The following TMEM106B variants were observed in gnomAD, a reference collection of about 807,000 sequenced individuals.
TMEM106B encodes the protein transmembrane protein 106B.
TMEM106B carries 15 observed loss-of-function variants against 31.1 expected under a neutral mutation model. The observed-to-expected ratio is 0.48, with a 90% CI of 0.32 to 0.74. The LOEUF (loss-of-function observed/expected upper bound fraction) is 0.74. TMEM106B is among the 30% of genes least tolerant of loss of function. The pLI is 0.03. For missense variants in TMEM106B, 283 were observed against 327.3 expected (o/e 0.86, Z 1.04); for synonymous variants, 126 against 112.5 (o/e 1.12, Z -0.76).
In TMEM106B at chr7:12,232,715, G is replaced by A. The variant is rs1184914001; in HGVS notation, c.*740G>A. The stretch of plus-strand genomic sequence containing the variant: ...TAATGTACAATACTGTAAATAAACT[G>A]TGCATGGCTTTTATACAGCTTTAGT... On this transcript the variant is annotated 3_prime_UTR_variant, in exon 8 of 8. Transcript: ENST00000396668. The A allele has an allele frequency of 9.9e-5, 15 of 152,210 alleles. No individual in the cohort carries two copies. Among genetic ancestry groups the A allele is most frequent in the Non-Finnish European group, 3.0e-5 (2 of 67,770 alleles). 9.4% of individuals were successfully genotyped at this position (152,210 alleles called of 1,614,324 possible). A position where few individuals can be genotyped will look rare whatever the true frequency, so the allele number is the denominator to read the frequency against.
At position 12,240,732 on chromosome 7, in the gene TMEM106B, G is replaced by C. The variant is rs138194405; in HGVS notation, c.*8757G>C. ...CAGTGGTTTTTCAGAATTTTTTAAA[G>C]CTTGTGAAATACTTATTTGTAAATA... On this transcript the variant is annotated 3_prime_UTR_variant, in exon 8 of 8. Coordinates refer to ENST00000396668, the MANE Select transcript of TMEM106B (RefSeq NM_001134232.2). The C allele has an allele frequency of 6.6e-6, 1 of 151,270 alleles. No homozygotes were observed. The highest frequency in any genetic ancestry group is 2.4e-5 in the African/African-American group (1 of 41,180). The allele number at this position is 151,270 out of a possible 1,614,324, so 9.4% of individuals were successfully genotyped here.
At chr7:12,222,444 C>G (rs1781806563) in intron 3 of TMEM106B, among the ~76,000 whole-genome samples, 1 of 152,074 alleles carries the variant, frequency 6.6e-6, no homozygotes, top group Admixed American at 6.6e-5. Flanking sequence ...GAACATGATT[C>G]ATTTATTCAC....
Position 12,242,401 on chromosome 7 carries a change from A to AAAAAAAAAAAG in TMEM106B, c.*10432_*10433insAAAAGAAAAAA. On this transcript the variant is annotated 3_prime_UTR_variant, in exon 8 of 8. Transcript: ENST00000396668. The stretch of plus-strand genomic sequence containing the variant: ...TCTCAAAAAAAAAAAAAAAAAAAAA[A>AAAAAAAAAAAG]AAAAAATACCCTTCTTTAACAAAAT... 1 of 150,920 alleles carries AAAAAAAAAAAG rather than the reference A, an allele frequency of 6.6e-6. No individual in the cohort carries two copies. Among genetic ancestry groups the AAAAAAAAAAAG allele is most frequent in the Non-Finnish European group, 1.5e-5 (1 of 67,682 alleles). 9.3% of individuals were successfully genotyped at this position (150,920 alleles called of 1,614,324 possible).
At chr7:12,230,095 C>G (rs1387671734) in intron 5 of TMEM106B, among the ~76,000 whole-genome samples, 1 of 151,868 alleles carries the variant, frequency 6.6e-6, no homozygotes, top group Non-Finnish European at 1.5e-5. Context: ...GTGTGCACCT[C>G]TCTTCCCACC....
chr7:12,230,960 A>G (rs200374071), intron 6 of TMEM106B, 102 bp from the exon 7 acceptor site: 2 of 502,700 alleles, frequency 4.0e-6, no homozygotes, highest in Admixed American at 7.3e-5. Flanking sequence ...ACAAATGCTT[A>G]TTATATTTCT....
chr7:12,238,223 T>G lies in TMEM106B; in HGVS notation c.*6248T>G, dbSNP rs1782177556. 5.9e-6 allele frequency: 1 copy of G among 169,362 alleles called. No individual in the cohort carries two copies. The highest frequency in any genetic ancestry group is 6.4e-5 in the Admixed American group (1 of 15,706). 10.5% of individuals were successfully genotyped at this position (169,362 alleles called of 1,614,324 possible). A position where few individuals can be genotyped will look rare whatever the true frequency, so the allele number is the denominator to read the frequency against. The stretch of plus-strand genomic sequence containing the variant: ...CTCAGCATCTTCACCAGGAGTAGAT[T>G]CCAACTCAAGAAACCACTTTCTTAG... On this transcript the variant is annotated 3_prime_UTR_variant, in exon 8 of 8. Coordinates refer to ENST00000396668, the MANE Select transcript of TMEM106B (RefSeq NM_001134232.2).
chr7:12,212,017 C>T lies in TMEM106B; in HGVS notation c.-3+592C>T, dbSNP rs559031932. On this transcript the variant is annotated intron_variant, in intron 1 of 7. Transcript: ENST00000396668. ...GCACCCCTTTTTTAAACCATTGAGT[C>T]TCCCAAGAATAAAAGTGGTTACACT... Among the ~76,000 whole-genome samples the T allele has an allele frequency of 3.9e-5, 6 of 152,274 alleles. No individual in the cohort carries two copies. In the East Asian group the frequency reaches 1.2e-3, roughly 29 times the overall value.
At chr7:12,218,874 C>T (rs2128524774) in intron 3 of TMEM106B, among the ~76,000 whole-genome samples, 1 of 152,160 alleles carries the variant, frequency 6.6e-6, no homozygotes, top group South Asian at 2.1e-4. Flanking sequence ...AGCAGGGACC[C>T]CAACGGCCTT....
rs778271556 is a variant in TMEM106B at position 12,215,028 on chromosome 7, G to C, written c.217+1G>C. ...CAGGGAACAGGAAGAATTCCTAGGG[G>C]TATGTGTTATTGTATTGTTTTCCCT... On this transcript the variant is annotated splice_donor_variant, in intron 2 of 7. Transcript: ENST00000396668. LOFTEE classifies it high-confidence loss of function. The C allele has an allele frequency of 6.2e-7, 1 of 1,611,624 alleles. No homozygotes were observed. Among genetic ancestry groups the C allele is most frequent in the Admixed American group, 1.7e-5 (1 of 59,828 alleles).
At chr7:12,228,378 A>G (rs1781947249) in intron 4 of TMEM106B, among the ~76,000 whole-genome samples, 1 of 151,918 alleles carries the variant, frequency 6.6e-6, no homozygotes, top group Non-Finnish European at 1.5e-5. Flanking sequence ...TTTAAAAAAT[A>G]TTATTTAGTA....
intron 4 of TMEM106B, among the ~76,000 whole-genome samples, chr7:12,227,620 A>G (rs2128526773): frequency 1.6e-5 from 2 of 124,606 alleles, no homozygotes; most frequent in South Asian, 2.9e-4. Flanking sequence ...TATTACAAAT[A>G]TTAGGAAAAC....
In TMEM106B at chr7:12,229,748, T is replaced by C; in HGVS notation, c.511T>C (p.Phe171Leu). 6.2e-7 allele frequency: 1 copy of C among 1,613,520 alleles called. No homozygotes were observed. The highest frequency in any genetic ancestry group is 8.5e-7 in the Non-Finnish European group (1 of 1,179,786). The change falls in exon 5 of 8, where the codon TTT becomes CTT. Residue 171 changes from phenylalanine to leucine, a missense_variant. Around this residue, in one of 3 missense-constraint regions of TMEM106B, gnomAD observed 201 missense variants for 211.5 expected, o/e 0.95. Transcript: ENST00000396668. ...EVENITAQVQ[F>L]SKTVIGKARL... is the part of the protein sequence containing the mutation. ...TGAAAACATCACTGCCCAAGTTCAA[T>C]TTTCAAAAACAGTTATTGGAAAGGC...
At chr7:12,229,615 A>C in intron 4 of TMEM106B, 64 bp from the exon 5 acceptor site, 1 of 1,294,778 alleles carries the variant, frequency 7.7e-7, no homozygotes, top group Non-Finnish European at 1.0e-6. Flanking sequence ...AGTTACTTTA[A>C]TTTTAAATAC....
rs3839691 is a variant in TMEM106B at position 12,229,634 on chromosome 7, A to ATGTT, written c.442-44_442-43insGTTT. 627,281 of 1,426,146 alleles carry ATGTT rather than the reference A, an allele frequency of 0.44. 144,246 individuals are homozygous for ATGTT. The highest frequency in any genetic ancestry group is 0.66 in the African/African-American group (45,718 of 68,892). 88.3% of individuals were successfully genotyped at this position (1,426,146 alleles called of 1,614,324 possible). A position where few individuals can be genotyped will look rare whatever the true frequency, so the allele number is the denominator to read the frequency against. On this transcript the variant is annotated intron_variant, in intron 4 of 7. Transcript: ENST00000396668. The stretch of plus-strand genomic sequence containing the variant: ...ACTTTAATTTTAAATACATATTTGT[A>ATGTT]TATTTTTAGCTAACTTGTAAATTTT...
Position 12,230,380 on chromosome 7 carries a change from G to GC in TMEM106B, c.583-7dup. ...TGTTCTCTATCGAATTTCTCCTTTT[G>GC]CCTTTCAGATTGATTACACAGTACC... On this transcript the variant is annotated splice_polypyrimidine_tract_variant and intron_variant, in intron 5 of 7. Coordinates refer to ENST00000396668, the MANE Select transcript of TMEM106B (RefSeq NM_001134232.2). 1 of 1,595,432 alleles carries GC rather than the reference G, an allele frequency of 6.3e-7. No individual in the cohort carries two copies.
chr7:12,224,503 T>C (rs887047146), intron 4 of TMEM106B, 118 bp downstream of exon 4: 1 of 779,878 alleles, frequency 1.3e-6, no homozygotes, highest in Non-Finnish European at 2.0e-6. Context: ...GTGTGCTTTC[T>C]GTATGTCTTT....
At chr7:12,215,050 C>T (rs1259516483) in intron 2 of TMEM106B, 23 bp downstream of exon 2, 1 of 1,587,680 alleles carries the variant, frequency 6.3e-7, no homozygotes, top group East Asian at 2.2e-5. Context: ...GTATTGTTTT[C>T]CCTTTAAATG....
chr7:12,227,869 G>C (rs4721059), intron 4 of TMEM106B, among the ~76,000 whole-genome samples: 76,559 of 151,330 alleles, frequency 0.51, 20,486 homozygotes, highest in African/African-American at 0.67. Context: ...TTCTCATAAG[G>C]ATTTGTATTC....
chr7:12,219,822 A>G (rs900481047), intron 3 of TMEM106B, among the ~76,000 whole-genome samples: 5 of 152,230 alleles, frequency 3.3e-5, no homozygotes, highest in African/African-American at 9.6e-5. Flanking sequence ...GAAAATGTCT[A>G]AAAGTCACAT....
Sources: allele counts gnomAD v4.1 joint callset (sites outside exome capture counted in the v4.1 genomes callset), GRCh38; gene constraint gnomAD v4.1.1; regional missense constraint gnomAD v4.1.1; transcripts MANE v1.5; gene names NCBI Gene and HGNC (gene_info 2026-07-23, HGNC 2026-07-21).